Variants in LMX1B observed in about 807,000 individuals in gnomAD.
LMX1B encodes the protein LIM homeobox transcription factor 1 beta.
A neutral mutation model predicts 51.4 loss-of-function variants in LMX1B; 12 were observed. The ratio of observed to expected loss-of-function variants is 0.23; its 90% CI spans 0.15 to 0.38. LMX1B has a LOEUF of 0.38. LMX1B is among the 10% of genes least tolerant of loss of function. The pLI is 1.00. For missense variants in LMX1B, 445 were observed against 571.1 expected (o/e 0.78, Z 2.25); for synonymous variants, 237 against 235.4 (o/e 1.01, Z -0.06).
At chr9:126,660,137 G>A (rs1295478894) in intron 2 of LMX1B, among the ~76,000 whole-genome samples, 16 of 101,550 alleles carry the variant, frequency 1.6e-4, no homozygotes, top group African/African-American at 2.6e-4. Context: ...GTCCTGTGTG[G>A]GGATGTCTAC....
intron 2 of LMX1B, among the ~76,000 whole-genome samples, chr9:126,624,608 C>G (rs1024869959): frequency 1.3e-5 from 2 of 152,192 alleles, no homozygotes; most frequent in South Asian, 4.1e-4. Context: ...CCGACCCCAG[C>G]CCCCTCCCTC....
intron 2 of LMX1B, among the ~76,000 whole-genome samples, chr9:126,652,434 T>C (rs962449081): frequency 4.6e-5 from 7 of 152,230 alleles, no homozygotes; most frequent in Non-Finnish European, 1.0e-4. Context: ...GAAGCCTTCC[T>C]GCAGGTGGGG....
Position 126,615,347 on chromosome 9 carries a change from G to T in LMX1B, c.140-36G>T. Reference sequence around the variant, plus strand: ...CGGGACGCCGGGGCTGGGCCGGGCGGCGCTGACGGCCGGGCTTTCGCCCTG... The same window carrying T: ...CGGGACGCCGGGGCTGGGCCGGGCGTCGCTGACGGCCGGGCTTTCGCCCTG... On this transcript the variant is annotated intron_variant, in intron 1 of 7. Transcript: ENST00000373474. This position sits in a 1 kb window ranked among gnomAD's most constrained non-coding sequence, Gnocchi z 6.0. 6.7e-7 allele frequency: 1 copy of T among 1,498,712 alleles called. No individual in the cohort carries two copies. The allele number at this position is 1,498,712 out of a possible 1,614,324, so 92.8% of individuals were successfully genotyped here.
intron 2 of LMX1B, among the ~76,000 whole-genome samples, chr9:126,665,643 C>G (rs1836328450): frequency 6.6e-6 from 1 of 152,220 alleles, no homozygotes; most frequent in South Asian, 2.1e-4. Context: ...CACTCCTTCC[C>G]CTGGGTGGTG....
intron 2 of LMX1B, among the ~76,000 whole-genome samples, chr9:126,642,246 T>A (rs6478748): frequency 0.99 from 150,550 of 152,262 alleles, 74,448 homozygotes; most frequent in Non-Finnish European, 1. Context: ...TGAGCGGACC[T>A]GTGAGTGCAT....
At chr9:126,688,960 G>A (rs749742851) in intron 2 of LMX1B, among the ~76,000 whole-genome samples, 23 of 152,210 alleles carry the variant, frequency 1.5e-4, no homozygotes, top group Non-Finnish European at 2.8e-4. Flanking sequence ...TGTGATACCC[G>A]TGTACTGAGT....
intron 2 of LMX1B, among the ~76,000 whole-genome samples, chr9:126,688,660 A>G (rs566243429): frequency 2.6e-5 from 4 of 152,296 alleles, no homozygotes; most frequent in African/African-American, 4.8e-5. Flanking sequence ...TGTCACTGAC[A>G]GTTGGGTAGG....
In LMX1B at chr9:126,698,132, C is replaced by T. The variant is rs1191040928; in HGVS notation, c.*1681C>T. 6.6e-6 allele frequency: 1 copy of T among 152,574 alleles called. No homozygotes were observed. Among genetic ancestry groups the T allele is most frequent in the African/African-American group, 2.4e-5 (1 of 41,456 alleles). The allele number at this position is 152,574 out of a possible 1,614,324, so 9.5% of individuals were successfully genotyped here. ...TCAGGTGATCCGCCTGCCTCGGCCT[C>T]CCAAAGTGCTGGGATTACAGGCGTG... On this transcript the variant is annotated 3_prime_UTR_variant, in exon 8 of 8. Coordinates refer to ENST00000373474, the MANE Select transcript of LMX1B (RefSeq NM_001174147.2).
At chr9:126,655,797 T>A (rs1836105061) in intron 2 of LMX1B, among the ~76,000 whole-genome samples, 1 of 152,238 alleles carries the variant, frequency 6.6e-6, no homozygotes, top group Non-Finnish European at 1.5e-5. Context: ...TGGTTTTTAG[T>A]ATGCTCACAA....
At chr9:126,681,467 G>GC (rs11446477) in intron 2 of LMX1B, among the ~76,000 whole-genome samples, 69,639 of 151,748 alleles carry the variant, frequency 0.46, 16,303 homozygotes, top group East Asian at 0.54. Context: ...GTCCTCTCAG[G>GC]CCCTGTCTGC....
chr9:126,630,263 T>TG (rs1306667901), intron 2 of LMX1B, among the ~76,000 whole-genome samples: 3 of 148,710 alleles, frequency 2.0e-5, no homozygotes, highest in African/African-American at 7.5e-5. Flanking sequence ...ACACAGCCAG[T>TG]GGGGGGCTAT....
At position 126,696,484 on chromosome 9, in the gene LMX1B, G is replaced by A. The variant is rs1213604769; in HGVS notation, c.*33G>A. ...CCAGGCGCACGGACGCTTGGGCAGGGGCCTGGGGGGGACTGCCAGCCTCTG... is the reference window on the plus strand; with the variant it reads ...CCAGGCGCACGGACGCTTGGGCAGGAGCCTGGGGGGGACTGCCAGCCTCTG... On this transcript the variant is annotated 3_prime_UTR_variant, in exon 8 of 8. Coordinates refer to ENST00000373474, the MANE Select transcript of LMX1B (RefSeq NM_001174147.2). 1.2e-6 allele frequency: 2 copies of A among 1,612,322 alleles called. No individual in the cohort carries two copies. Among genetic ancestry groups the A allele is most frequent in the Non-Finnish European group, 1.7e-6 (2 of 1,178,924 alleles).
intron 2 of LMX1B, among the ~76,000 whole-genome samples, chr9:126,628,613 G>A (rs527853785): frequency 6.6e-5 from 10 of 152,284 alleles, no homozygotes; most frequent in Non-Finnish European, 1.3e-4. Flanking sequence ...GATCTGAAGC[G>A]AAATTAATTA....
chr9:126,661,707 C>T (rs1038584799), intron 2 of LMX1B, among the ~76,000 whole-genome samples: 1 of 152,044 alleles, frequency 6.6e-6, no homozygotes, highest in Non-Finnish European at 1.5e-5. Flanking sequence ...CTGCGGGGCC[C>T]GAGTTGAGCA....
At chr9:126,646,750 C>T (rs1211389443) in intron 2 of LMX1B, among the ~76,000 whole-genome samples, 2 of 152,216 alleles carry the variant, frequency 1.3e-5, no homozygotes, top group Non-Finnish European at 2.9e-5. Context: ...AGCTCCTGCC[C>T]TGTGCAGACC....
At chr9:126,627,628 C>A (rs1381178550) in intron 2 of LMX1B, among the ~76,000 whole-genome samples, 1 of 152,060 alleles carries the variant, frequency 6.6e-6, no homozygotes, top group African/African-American at 2.4e-5. Context: ...CAGTCCCAGG[C>A]CTCCCTGGCC....
intron 2 of LMX1B, among the ~76,000 whole-genome samples, chr9:126,629,732 A>G (rs1835600465): frequency 6.6e-6 from 1 of 152,012 alleles, no homozygotes; most frequent in Admixed American, 6.6e-5. Context: ...GGTTTTATTA[A>G]TATTATTTCC....
At chr9:126,632,142 C>T (rs1358343062) in intron 2 of LMX1B, among the ~76,000 whole-genome samples, 2 of 152,210 alleles carry the variant, frequency 1.3e-5, no homozygotes, top group African/African-American at 2.4e-5. Context: ...AAAGAACCTA[C>T]CTTCCAGGTT....
rs78796994 is a variant in LMX1B, at chr9:126,615,075, G to A, written c.140-308G>A. 2.8e-3 allele frequency among the ~76,000 whole-genome samples: 419 copies of A among 152,132 alleles called. 4 individuals are homozygous for A. The highest frequency in any genetic ancestry group is 9.8e-3 in the African/African-American group (406 of 41,540). ...CACCTCGCCTGTCTTGGTCCCAGCCGGCCACCCTGCGCCGTGCTCGTTGTC... is the reference window on the plus strand; with the variant it reads ...CACCTCGCCTGTCTTGGTCCCAGCCAGCCACCCTGCGCCGTGCTCGTTGTC... On this transcript the variant is annotated intron_variant, in intron 1 of 7. Coordinates refer to ENST00000373474, the MANE Select transcript of LMX1B (RefSeq NM_001174147.2). The surrounding 1 kb of genome is among the most constrained non-coding windows in gnomAD (Gnocchi z 6.0).
Sources: gnomAD v4.1 joint callset for allele counts (sites outside exome capture counted in the v4.1 genomes callset) on GRCh38, gnomAD v4.1.1 for gene constraint, Gnocchi (gnomAD v3.1) non-coding constraint, MANE v1.5 for transcripts, NCBI Gene and HGNC (gene_info 2026-07-23, HGNC 2026-07-21) for gene names.